FBXL7: variants seen among roughly 807,000 people sequenced by gnomAD.
FBXL7 encodes F-box/LRR-repeat protein 7.
In FBXL7, 12 loss-of-function variants were observed where a neutral mutation model predicts 38.3. The ratio of observed to expected loss-of-function variants is 0.31; its 90% CI spans 0.20 to 0.51. FBXL7 has a LOEUF of 0.51. FBXL7 is among the 20% of genes least tolerant of loss of function. FBXL7 has a pLI of 0.98. For synonymous variants in FBXL7, 297 were observed against 300.9 expected (o/e 0.99, Z 0.13); for missense variants, 567 against 676.4 (o/e 0.84, Z 1.79).
chr5:15,554,240 A>C (rs1467816388), intron 1 of FBXL7, among the ~76,000 whole-genome samples: 2 of 152,108 alleles, frequency 1.3e-5, no homozygotes. Context: ...TCTCAAGGTC[A>C]TGGGGTTCTT....
intron 1 of FBXL7, among the ~76,000 whole-genome samples, chr5:15,501,052 AG>A (rs1485558805): frequency 6.6e-6 from 1 of 152,174 alleles, no homozygotes; most frequent in Non-Finnish European, 1.5e-5. Flanking sequence ...AGATGGCGGA[AG>A]ACGTTTTTGA....
chr5:15,601,436 A>G (rs1361101830), intron 1 of FBXL7, among the ~76,000 whole-genome samples: 1 of 152,198 alleles, frequency 6.6e-6, no homozygotes, highest in Non-Finnish European at 1.5e-5. Flanking sequence ...GCTGTGAAGC[A>G]CCATCTGTCA....
At chr5:15,897,152 AT>A (rs202027244) in intron 2 of FBXL7, among the ~76,000 whole-genome samples, 22 of 151,400 alleles carry the variant, frequency 1.5e-4, no homozygotes, top group African/African-American at 4.4e-4. Flanking sequence ...ATACGTATAT[AT>A]TTTTTTTTCA....
At chr5:15,766,014 A>G (rs1233777556) in intron 2 of FBXL7, among the ~76,000 whole-genome samples, 1 of 151,076 alleles carries the variant, frequency 6.6e-6, no homozygotes, top group Non-Finnish European at 1.5e-5. Context: ...CTTCATCTAT[A>G]TCTGTCTGTC....
At chr5:15,515,748 A>C (rs1037715946) in intron 1 of FBXL7, among the ~76,000 whole-genome samples, 1 of 152,226 alleles carries the variant, frequency 6.6e-6, no homozygotes, top group Non-Finnish European at 1.5e-5. Context: ...GTACAGATTC[A>C]TCAGGTAGAG....
At chr5:15,888,398 T>C (rs944837264) in intron 2 of FBXL7, among the ~76,000 whole-genome samples, 7 of 152,102 alleles carry the variant, frequency 4.6e-5, no homozygotes, top group African/African-American at 1.4e-4. Flanking sequence ...TGGCTGATTT[T>C]TGTATTTTTT....
intron 2 of FBXL7, among the ~76,000 whole-genome samples, chr5:15,733,763 T>C (rs1260712960): frequency 6.6e-6 from 1 of 152,230 alleles, no homozygotes; most frequent in Non-Finnish European, 1.5e-5. Flanking sequence ...AGGTTAATGT[T>C]TTGTAAATAT....
chr5:15,628,108 A>C lies in FBXL7; in HGVS notation c.127+12036A>C, dbSNP rs145681701. On this transcript the variant is annotated intron_variant, in intron 2 of 3. Transcript: ENST00000504595. ...GTGAAGTCTATGGGAATTAGGTGGC[A>C]ACAGAGTTAATTATTTTATATATAT... Among the ~76,000 whole-genome samples the C allele has an allele frequency of 7.4e-4, 113 of 152,340 alleles. 2 individuals carry two copies. The highest frequency in any genetic ancestry group is 2.6e-3 in the African/African-American group (108 of 41,588).
At chr5:15,881,389 G>T (rs1024459964) in intron 2 of FBXL7, among the ~76,000 whole-genome samples, 1 of 152,130 alleles carries the variant, frequency 6.6e-6, no homozygotes, top group African/African-American at 2.4e-5. Flanking sequence ...GTATTTTGTG[G>T]TATATTTATA....
At chr5:15,600,706 G>A (rs1386983032) in intron 1 of FBXL7, among the ~76,000 whole-genome samples, 3 of 152,098 alleles carry the variant, frequency 2.0e-5, no homozygotes, top group Admixed American at 2.0e-4. Flanking sequence ...CTCTTGTGCT[G>A]TTGGTAGGAT....
At chr5:15,545,281 T>A (rs1268315244) in intron 1 of FBXL7, among the ~76,000 whole-genome samples, 2 of 152,236 alleles carry the variant, frequency 1.3e-5, no homozygotes, top group Non-Finnish European at 2.9e-5. Flanking sequence ...CCAGACACTT[T>A]ACTAGTTCTC....
chr5:15,549,896 A>C lies in FBXL7; in HGVS notation c.37+49183A>C, dbSNP rs1738014989. On this transcript the variant is annotated intron_variant, in intron 1 of 3. Transcript: ENST00000504595. Reference sequence around the variant, plus strand: ...GGCCATTGCAGTTGGGGTGCAGGGGACAGAAACTGGATAGCCAAGGTGGGT... The same window carrying C: ...GGCCATTGCAGTTGGGGTGCAGGGGCCAGAAACTGGATAGCCAAGGTGGGT... 3.9e-5 allele frequency among the ~76,000 whole-genome samples: 6 copies of C among 152,116 alleles called. No homozygotes were observed. The South Asian group carries it at 1.2e-3, about 32-fold the overall frequency.
At chr5:15,760,431 A>C (rs1277464699) in intron 2 of FBXL7, among the ~76,000 whole-genome samples, 1 of 151,978 alleles carries the variant, frequency 6.6e-6, no homozygotes, top group Non-Finnish European at 1.5e-5. Flanking sequence ...AAAAGCAAAA[A>C]AAAAAAAAAG....
chr5:15,620,272 G>A (rs990684664), intron 2 of FBXL7, among the ~76,000 whole-genome samples: 86 of 119,996 alleles, frequency 7.2e-4, no homozygotes, highest in Non-Finnish European at 9.7e-4. Context: ...CACTCTTGTT[G>A]CCCAATCTGG....
At chr5:15,871,600 G>T (rs1739966857) in intron 2 of FBXL7, among the ~76,000 whole-genome samples, 1 of 152,162 alleles carries the variant, frequency 6.6e-6, no homozygotes, top group Non-Finnish European at 1.5e-5. Context: ...GTTTACAGAA[G>T]AACTTAAATG....
chr5:15,505,138 A>G (rs1032216309), intron 1 of FBXL7, among the ~76,000 whole-genome samples: 39 of 152,202 alleles, frequency 2.6e-4, no homozygotes, highest in African/African-American at 9.4e-4. Context: ...ACCTCAGGAA[A>G]CATATCTTGA....
chr5:15,774,606 T>C (rs1382825342), intron 2 of FBXL7, among the ~76,000 whole-genome samples: 9 of 152,228 alleles, frequency 5.9e-5, no homozygotes, highest in African/African-American at 2.2e-4. Flanking sequence ...TCCTGATAAA[T>C]TGGTCAGTCC....
chr5:15,928,099 A>G lies in FBXL7; in HGVS notation c.337A>G (p.Ser113Gly), dbSNP rs1461811545. 6.5e-7 allele frequency: 1 copy of G among 1,532,796 alleles called. No homozygotes were observed. The highest frequency in any genetic ancestry group is 1.4e-5 in the African/African-American group (1 of 70,170). The allele number at this position is 1,532,796 out of a possible 1,614,324, so 94.9% of individuals were successfully genotyped here. A position where few individuals can be genotyped will look rare whatever the true frequency, so the allele number is the denominator to read the frequency against. Residue 113 changes from serine to glycine, a missense_variant, in exon 3 of 4, where the codon AGC becomes GGC. By Grantham distance (56) the Ser-to-Gly change is moderately conservative. Transcript: ENST00000504595. This position sits in a 1 kb window ranked among gnomAD's most constrained non-coding sequence, Gnocchi z 4.0. ...CTCCAGACCCCAGAAGGAGCAGGCC[A>G]GCATAGACCGGCTCCCGGACCACTC... ...LASRPQKEQA[S>G]IDRLPDHSMV...
chr5:15,515,038 T>C (rs1736898246), intron 1 of FBXL7, among the ~76,000 whole-genome samples: 1 of 152,218 alleles, frequency 6.6e-6, no homozygotes, highest in Admixed American at 6.5e-5. Flanking sequence ...ATAAACCACC[T>C]GCACTCAGAC....
Sources: allele counts gnomAD v4.1 joint callset (sites outside exome capture counted in the v4.1 genomes callset), GRCh38; gene constraint gnomAD v4.1.1; non-coding constraint Gnocchi (gnomAD v3.1); transcripts MANE v1.5; gene names NCBI Gene and HGNC (gene_info 2026-07-23, HGNC 2026-07-21).